The following SIN3B variants were observed in gnomAD, a reference collection of about 807,000 sequenced individuals.
The protein encoded by SIN3B is SIN3 transcription regulator family member B.
SIN3B carries 19 observed loss-of-function variants against 120.2 expected under a neutral mutation model. The observed-to-expected ratio is 0.16, with a 90% CI of 0.11 to 0.23. The LOEUF (loss-of-function observed/expected upper bound fraction) is 0.23. SIN3B is among the 10% of genes least tolerant of loss of function. The pLI is 1.00. For missense variants in SIN3B, 1,073 were observed against 1,573.0 expected (o/e 0.68, Z 5.38); for synonymous variants, 654 against 653.2 (o/e 1.00, Z -0.02).
chr19:16,853,132 C>G lies in SIN3B; in HGVS notation c.913C>G (p.Leu305Val), dbSNP rs1201418508. 1.9e-6 allele frequency: 3 copies of G among 1,614,192 alleles called. No homozygotes were observed. The highest frequency in any genetic ancestry group is 8.5e-7 in the Non-Finnish European group (1 of 1,180,020). ...CGCTGCAGTGGGGAAGTACGGGACT[C>G]TGCAGGAATTTTCTTTCTTTGACAA... ...SIAAVGKYGT[L>V]QEFSFFDKVR... is the part of the protein sequence containing the mutation. The change falls in exon 7 of 19, where the codon CTG (leucine) becomes GTG (valine). Residue 305 changes from leucine (L) to valine (V), a missense_variant. This residue lies in a region of SIN3B where 395 missense variants were observed against 528.0 expected (regional missense o/e 0.75). Transcript: ENST00000248054.
At position 16,869,516 on chromosome 19, in the gene SIN3B, C is replaced by T. The variant is rs1172676249; in HGVS notation, c.1863C>T (p.Ile621=). 2 of 1,613,890 alleles carry T rather than the reference C, an allele frequency of 1.2e-6. No individual in the cohort carries two copies. The highest frequency in any genetic ancestry group is 1.7e-6 in the Non-Finnish European group (2 of 1,179,978). Residue 621 remains isoleucine, a synonymous_variant, in exon 13 of 19, where the codon ATC becomes ATT. Coordinates refer to ENST00000248054, the MANE Select transcript of SIN3B (RefSeq NM_001297595.2). ...CCCCCTCTAGCGAGCCGCACCTCAT[C>T]TTTGTGTACGAGGACCGGCAGATCC... ...RSAPSSEPHL[I]FVYEDRQILE... is the part of the protein sequence containing the mutation.
At chr19:16,868,305 C>G (rs112176635) in intron 12 of SIN3B, among the ~76,000 whole-genome samples, 1,635 of 152,290 alleles carry the variant, frequency 0.011, 24 homozygotes, top group African/African-American at 0.035. Context: ...AGCCGCCTTG[C>G]AGGGGAGGAG....
At chr19:16,851,806 C>A (rs1971549810) in intron 6 of SIN3B, among the ~76,000 whole-genome samples, 1 of 152,212 alleles carries the variant, frequency 6.6e-6, no homozygotes, top group Non-Finnish European at 1.5e-5. Context: ...GGGTGTACCA[C>A]CCAGTCTCCT....
intron 4 of SIN3B, 106 bp from the exon 5 acceptor site, chr19:16,846,864 C>T (rs1386224668): frequency 1.6e-6 from 2 of 1,259,344 alleles, no homozygotes; most frequent in Non-Finnish European, 2.2e-6. Context: ...GTGCTCTTTC[C>T]TGAGAGTCAT....
At chr19:16,843,569 T>C (rs761274807) in intron 4 of SIN3B, among the ~76,000 whole-genome samples, 3 of 152,212 alleles carry the variant, frequency 2.0e-5, no homozygotes, top group Non-Finnish European at 4.4e-5. Flanking sequence ...TCCCAGGCTT[T>C]GTGGGGTCAT....
intron 8 of SIN3B, among the ~76,000 whole-genome samples, chr19:16,860,532 C>T (rs369343955): frequency 6.7e-6 from 1 of 149,462 alleles, no homozygotes; most frequent in Non-Finnish European, 1.5e-5. Flanking sequence ...CGTCGTTATG[C>T]GAGGGTGGGC....
intron 3 of SIN3B, among the ~76,000 whole-genome samples, chr19:16,838,970 CTTTTT>C (rs34648986): frequency 1.2e-5 from 1 of 86,600 alleles, no homozygotes; most frequent in Non-Finnish European, 2.1e-5. Context: ...CCGCGCCTGG[CTTTTT>C]TTTTTTTTTT....
intron 11 of SIN3B, 59 bp downstream of exon 11, chr19:16,865,707 C>T (rs1281945158): frequency 9.3e-7 from 1 of 1,071,246 alleles, no homozygotes; most frequent in East Asian, 2.6e-5. Context: ...CTCCCCTCCC[C>T]TCCCCTCCCC....
chr19:16,831,418 C>G, intron 2 of SIN3B, 76 bp from the exon 3 acceptor site: 1 of 1,446,930 alleles, frequency 6.9e-7, no homozygotes, highest in Non-Finnish European at 9.5e-7. Flanking sequence ...GTGGCAGTAT[C>G]AAGGGAGTGG....
intron 14 of SIN3B, chr19:16,872,795 TAAC>T (rs932695945): frequency 2.6e-5 from 4 of 152,148 alleles, no homozygotes; most frequent in African/African-American, 7.2e-5. Flanking sequence ...AGCTGTGTGT[TAAC>T]AGCAGCACAC....
At chr19:16,866,070 G>T (rs1768094865) in intron 11 of SIN3B, among the ~76,000 whole-genome samples, 1 of 152,224 alleles carries the variant, frequency 6.6e-6, no homozygotes, top group African/African-American at 2.4e-5. Context: ...GGCAGACCCA[G>T]TCCCTCTCTT....
intron 9 of SIN3B, 197 bp from the exon 10 acceptor site, chr19:16,863,483 A>G (rs1363444492): frequency 3.5e-6 from 2 of 578,076 alleles, no homozygotes; most frequent in East Asian, 2.8e-5. Flanking sequence ...CCAATCTCCC[A>G]GGATACCAAG....
chr19:16,836,735 C>T (rs1313707882), intron 3 of SIN3B, among the ~76,000 whole-genome samples: 2 of 152,176 alleles, frequency 1.3e-5, no homozygotes, highest in Non-Finnish European at 2.9e-5. Context: ...AGGGCAGACC[C>T]TGCCTCGTGG....
intron 4 of SIN3B, among the ~76,000 whole-genome samples, chr19:16,845,557 GCTACCGCAC>G (rs1279118701): frequency 6.6e-6 from 1 of 152,160 alleles, no homozygotes; most frequent in East Asian, 1.9e-4. Context: ...ACAGGCCTGA[GCTACCGCAC>G]CTGGCCTTGC....
rs968943597 is a variant in SIN3B at position 16,876,093 on chromosome 19, G to A, written c.2631G>A (p.Val877=). The A allele has an allele frequency of 3.1e-6, 5 of 1,588,482 alleles. No homozygotes were observed. Among genetic ancestry groups the A allele is most frequent in the Non-Finnish European group, 2.6e-6 (3 of 1,168,658 alleles). ...HLVSDDVCLK[V]VELYLNEKKR... ...TGAGCGATGACGTCTGCCTGAAGGT[G>A]GTGGAGCTCTACCTGAACGAGAAGA... The change falls in exon 15 of 19, where the codon GTG becomes GTA. Residue 877 remains valine (V), a synonymous_variant. Coordinates refer to ENST00000248054, the MANE Select transcript of SIN3B (RefSeq NM_001297595.2). The surrounding 1 kb of genome is among the most constrained non-coding windows in gnomAD (Gnocchi z 7.1).
chr19:16,846,721 C>G (rs1481465014), intron 4 of SIN3B, among the ~76,000 whole-genome samples: 1 of 152,212 alleles, frequency 6.6e-6, no homozygotes, highest in Non-Finnish European at 1.5e-5. Context: ...CAGCCTGTCA[C>G]CTCCCTGCCC....
chr19:16,863,040 C>T (rs779070900), intron 9 of SIN3B: 9 of 1,253,988 alleles, frequency 7.2e-6, no homozygotes, highest in Admixed American at 1.7e-5. Flanking sequence ...TAAAGTTTTA[C>T]TGTCACACAG....
intron 1 of SIN3B, 21 bp from the exon 2 acceptor site, chr19:16,829,770 G>C: frequency 1.3e-6 from 2 of 1,593,328 alleles, no homozygotes; most frequent in Non-Finnish European, 1.7e-6. Context: ...GGGCCCACCG[G>C]GACCCTCCCC....
At chr19:16,864,889 C>T (rs1462473302) in intron 10 of SIN3B, among the ~76,000 whole-genome samples, 2 of 151,332 alleles carry the variant, frequency 1.3e-5, no homozygotes, top group Non-Finnish European at 2.9e-5. Flanking sequence ...GGCTGGAGTC[C>T]AGTGGCATGA....
Sources: gnomAD v4.1 joint callset for allele counts (sites outside exome capture counted in the v4.1 genomes callset) on GRCh38, gnomAD v4.1.1 for gene constraint, gnomAD v4.1.1 regional missense constraint, Gnocchi (gnomAD v3.1) non-coding constraint, MANE v1.5 for transcripts, NCBI Gene and HGNC (gene_info 2026-07-23, HGNC 2026-07-21) for gene names.